The following APPBP2 variants were observed in gnomAD, a reference collection of about 807,000 sequenced individuals.
APPBP2 encodes amyloid beta precursor protein binding protein 2.
A neutral mutation model predicts 76.0 loss-of-function variants in APPBP2; 15 were observed. That is an observed-to-expected ratio of 0.20 (90% confidence interval 0.13 to 0.30). The LOEUF is 0.30. Ranked by LOEUF, APPBP2 falls within the 10% of genes least tolerant of loss-of-function variation. APPBP2 has a pLI of 1.00. For synonymous variants in APPBP2, 222 were observed against 242.2 expected, an observed-to-expected ratio of 0.92 and a Z score of 0.77; for missense variants, 401 against 687.2, an observed-to-expected ratio of 0.58 and a Z score of 4.66.
intron 2 of APPBP2, among the ~76,000 whole-genome samples, chr17:60,500,042 T>C (rs960184874): frequency 4.0e-5 from 6 of 151,364 alleles, no homozygotes; most frequent in African/African-American, 7.3e-5. Flanking sequence ...GACGGAGTCT[T>C]GCTCTGTCAC....
At chr17:60,513,755 C>T (rs2090939194) in intron 1 of APPBP2, among the ~76,000 whole-genome samples, 1 of 151,058 alleles carries the variant, frequency 6.6e-6, no homozygotes, top group African/African-American at 2.4e-5. Context: ...CCCAGCTACT[C>T]GGGAGGCTGA....
At chr17:60,516,102 G>A (rs1715864590) in intron 1 of APPBP2, among the ~76,000 whole-genome samples, 1 of 151,992 alleles carries the variant, frequency 6.6e-6, no homozygotes, top group Non-Finnish European at 1.5e-5. Context: ...GGCAGAGGTT[G>A]CAGTGAGCAG....
At chr17:60,461,949 G>A in intron 7 of APPBP2, 34 bp from the exon 8 acceptor site, 7 of 1,606,858 alleles carry the variant, frequency 4.4e-6, no homozygotes, top group South Asian at 1.1e-5. Context: ...AGGATATAAA[G>A]TATAGAGACA....
At chr17:60,482,170 C>T (rs1055951359) in intron 3 of APPBP2, among the ~76,000 whole-genome samples, 9 of 152,104 alleles carry the variant, frequency 5.9e-5, no homozygotes, top group South Asian at 2.1e-4. Context: ...TGTGAGCCAC[C>T]GCGTCCGGCC....
chr17:60,505,676 G>GTTTTTTTTTTTTTTTTT lies in APPBP2; in HGVS notation c.139-5206_139-5190dup, dbSNP rs1170935393. Among the ~76,000 whole-genome samples, 14 of 85,714 alleles carry GTTTTTTTTTTTTTTTTT rather than the reference G, an allele frequency of 1.6e-4. 2 individuals carry two copies. The highest frequency in any genetic ancestry group is 1.1e-3 in the African/African-American group (14 of 12,974). 56.2% of individuals were successfully genotyped at this position (85,714 alleles called of 152,430 possible). ...TCCTAAAAGCCACCTGACCCCTGCGGTTTTTTTTTTTTTTTTTTTTTTTTT... is the reference window on the plus strand; with the variant it reads ...TCCTAAAAGCCACCTGACCCCTGCGGTTTTTTTTTTTTTTTTTTTTTTTTTTTTTTTTTTTTTTTTTT... On this transcript the variant is annotated intron_variant, in intron 1 of 12. Transcript: ENST00000083182.
intron 3 of APPBP2, among the ~76,000 whole-genome samples, chr17:60,488,866 G>C (rs2090702895): frequency 1.3e-5 from 2 of 152,166 alleles, no homozygotes; most frequent in Non-Finnish European, 2.9e-5. Context: ...AAGATCACAA[G>C]TTTTGAGAGA....
chr17:60,495,463 T>C (rs1033698196), intron 2 of APPBP2, among the ~76,000 whole-genome samples: 2 of 149,698 alleles, frequency 1.3e-5, no homozygotes, highest in Non-Finnish European at 3.0e-5. Flanking sequence ...TATTTATTTA[T>C]TTATTTATTT....
chr17:60,479,078 T>A (rs113407114), intron 4 of APPBP2, 70 bp downstream of exon 4: 14 of 1,474,454 alleles, frequency 9.5e-6, no homozygotes, highest in Non-Finnish European at 1.2e-5. Context: ...CATATACTTA[T>A]AAGAGCTAAA....
intron 4 of APPBP2, among the ~76,000 whole-genome samples, chr17:60,478,333 G>A (rs143472524): frequency 3.1e-4 from 47 of 152,188 alleles, no homozygotes; most frequent in African/African-American, 1.1e-3. Context: ...AAAAAAATAA[G>A]GACAATAAAG....
intron 9 of APPBP2, among the ~76,000 whole-genome samples, chr17:60,457,178 C>T (rs1227057646): frequency 6.6e-6 from 1 of 151,456 alleles, no homozygotes; most frequent in African/African-American, 2.4e-5. Flanking sequence ...GCCTACTTTA[C>T]TCTTCTTCAC....
intron 1 of APPBP2, among the ~76,000 whole-genome samples, chr17:60,505,417 G>A (rs1177657534): frequency 2.0e-5 from 3 of 152,214 alleles, no homozygotes; most frequent in Admixed American, 6.5e-5. Flanking sequence ...CCGCGTTCAC[G>A]CCATTCTCCT....
chr17:60,519,569 A>G (rs923156292), intron 1 of APPBP2, among the ~76,000 whole-genome samples: 4 of 151,988 alleles, frequency 2.6e-5, no homozygotes, highest in African/African-American at 9.7e-5. Context: ...ACGATGAGGC[A>G]GGAGGATCAC....
chr17:60,443,422 GTTTTGT>G lies in APPBP2; in HGVS notation c.*4153_*4158del, dbSNP rs1425853693. 4.6e-5 allele frequency: 7 copies of G among 152,678 alleles called. No individual in the cohort carries two copies. The South Asian group carries it at 6.2e-4, about 14-fold the overall frequency. 9.5% of individuals were successfully genotyped at this position (152,678 alleles called of 1,614,324 possible). ...GGATTTTCACGTAAAGATTGTTAGT[GTTTTGT>G]TTTTAACTGTTCCATTAAGAACTTT... On this transcript the variant is annotated 3_prime_UTR_variant, in exon 13 of 13. Coordinates refer to ENST00000083182, the MANE Select transcript of APPBP2 (RefSeq NM_006380.5).
chr17:60,456,316 G>GC lies in APPBP2; in HGVS notation c.1126dup (p.Ala376GlyfsTer17). On this transcript the variant is annotated frameshift_variant, in exon 10 of 13. Coordinates refer to ENST00000083182, the MANE Select transcript of APPBP2 (RefSeq NM_006380.5). LOFTEE classifies it high-confidence loss of function. ...GATACCTTTCACCCTCTTTGAAGAA[G>GC]CCAAAAGAAGATGATCTTCAGGTAG... 6.2e-7 allele frequency: 1 copy of GC among 1,608,474 alleles called. No homozygotes were observed. The highest frequency in any genetic ancestry group is 2.2e-5 in the East Asian group (1 of 44,780).
At chr17:60,512,240 C>A (rs951543464) in intron 1 of APPBP2, among the ~76,000 whole-genome samples, 1 of 151,832 alleles carries the variant, frequency 6.6e-6, no homozygotes, top group South Asian at 2.1e-4. Context: ...GTAGCTGGGA[C>A]TACAAGTGCC....
chr17:60,491,853 C>T (rs150527745), intron 3 of APPBP2, among the ~76,000 whole-genome samples: 1 of 152,318 alleles, frequency 6.6e-6, no homozygotes, highest in East Asian at 1.9e-4. Flanking sequence ...TGCAAGCTGG[C>T]AGCAGAAATT....
rs2143300676 is a variant in APPBP2 at position 60,456,211 on chromosome 17, T to C, written c.1147+85A>G. The C allele has an allele frequency of 4.2e-6, 4 of 960,212 alleles. No homozygotes were observed. In the East Asian group the frequency reaches 1.0e-4, roughly 24 times the overall value. 59.5% of individuals were successfully genotyped at this position (960,212 alleles called of 1,614,324 possible). A position where few individuals can be genotyped will look rare whatever the true frequency, so the allele number is the denominator to read the frequency against. ...CAAATCCTGTGAGAAAATCCTCCAA[T>C]CCTCTGAGAAAATAAACAAATACCC... On this transcript the variant is annotated intron_variant, in intron 10 of 12. Coordinates refer to ENST00000083182, the MANE Select transcript of APPBP2 (RefSeq NM_006380.5).
intron 4 of APPBP2, among the ~76,000 whole-genome samples, chr17:60,470,290 T>C (rs1356278979): frequency 1.3e-5 from 2 of 152,142 alleles, no homozygotes; most frequent in Non-Finnish European, 2.9e-5. Flanking sequence ...AGACAGAGTC[T>C]CACTCTGTCA....
In APPBP2 at chr17:60,464,619, C is replaced by T. The variant is rs528913434; in HGVS notation, c.673-509G>A. On this transcript the variant is annotated intron_variant, in intron 5 of 12. Transcript: ENST00000083182. ...CCTGACAAAACAGCCCTATAAGATA[C>T]GTACTATTAGGGGAAACAGGTGTAG... Among the ~76,000 whole-genome samples the T allele has an allele frequency of 4.5e-4, 68 of 152,250 alleles. No homozygotes were observed. The South Asian group carries it at 4.8e-3, about 11-fold the overall frequency.
Sources: allele counts gnomAD v4.1 joint callset (sites outside exome capture counted in the v4.1 genomes callset), GRCh38; gene constraint gnomAD v4.1.1; transcripts MANE v1.5; gene names NCBI Gene and HGNC (gene_info 2026-07-23, HGNC 2026-07-21).